The following GTF2A1 variants were observed in gnomAD, a reference collection of about 807,000 sequenced individuals.
GTF2A1 encodes transcription initiation factor IIA subunit 1.
A neutral mutation model predicts 54.1 loss-of-function variants in GTF2A1; 12 were observed. The ratio of observed to expected loss-of-function variants is 0.22; its 90% CI spans 0.14 to 0.36. GTF2A1 has a LOEUF of 0.36. GTF2A1 is among the 10% of genes least tolerant of loss of function. The pLI, the probability that GTF2A1 is intolerant of heterozygous loss-of-function variation, is 1.00. For missense variants in GTF2A1, 335 were observed against 442.2 expected (o/e 0.76, Z 2.17); for synonymous variants, 145 against 152.0 (o/e 0.95, Z 0.34).
intron 8 of GTF2A1, among the ~76,000 whole-genome samples, chr14:81,180,698 T>C (rs1163393327): frequency 6.6e-6 from 1 of 152,222 alleles, no homozygotes; most frequent in Non-Finnish European, 1.5e-5. Context: ...AAAACAAATT[T>C]ATCTGTAATT....
At chr14:81,216,090 T>C (rs1025620640) in intron 2 of GTF2A1, among the ~76,000 whole-genome samples, 6 of 152,230 alleles carry the variant, frequency 3.9e-5, no homozygotes, top group African/African-American at 1.4e-4. Flanking sequence ...CCATAAAATG[T>C]AGAATGTTAA....
At chr14:81,217,310 A>T (rs1016059154) in intron 1 of GTF2A1, among the ~76,000 whole-genome samples, 1 of 152,248 alleles carries the variant, frequency 6.6e-6, no homozygotes. Context: ...AATATTTTTT[A>T]AAAACTACAA....
intron 2 of GTF2A1, among the ~76,000 whole-genome samples, chr14:81,215,631 C>T (rs927275082): frequency 2.0e-5 from 3 of 152,134 alleles, no homozygotes; most frequent in South Asian, 2.1e-4. Context: ...TCAAAACATT[C>T]GGCCTACATA....
At position 81,210,550 on chromosome 14, in the gene GTF2A1, C is replaced by T. The variant is rs528666549; in HGVS notation, c.132+5863G>A. Reference sequence around the variant, plus strand: ...TGGCAATAGTAATCATACTAACATACGTTTTTGTTTTTGTTTTTTTTGGAT... The same window carrying T: ...TGGCAATAGTAATCATACTAACATATGTTTTTGTTTTTGTTTTTTTTGGAT... On this transcript the variant is annotated intron_variant, in intron 2 of 8. Coordinates refer to ENST00000553612, the MANE Select transcript of GTF2A1 (RefSeq NM_015859.4). Among the ~76,000 whole-genome samples, 5 of 152,068 alleles carry T rather than the reference C, an allele frequency of 3.3e-5. No individual in the cohort carries two copies. The South Asian group carries it at 6.2e-4, about 19-fold the overall frequency.
At chr14:81,197,887 T>C (rs951174633) in intron 4 of GTF2A1, among the ~76,000 whole-genome samples, 3 of 152,200 alleles carry the variant, frequency 2.0e-5, no homozygotes, top group African/African-American at 7.2e-5. Context: ...TATTTCATTA[T>C]TGCTTCCTTT....
In GTF2A1 at chr14:81,177,508, T is replaced by A. The variant is rs377251836; in HGVS notation, c.*2715A>T. 24 of 152,260 alleles carry A rather than the reference T, an allele frequency of 1.6e-4. No homozygotes were observed. The highest frequency in any genetic ancestry group is 3.1e-4 in the Non-Finnish European group (21 of 67,954). 9.4% of individuals were successfully genotyped at this position (152,260 alleles called of 1,614,324 possible). A position where few individuals can be genotyped will look rare whatever the true frequency, so the allele number is the denominator to read the frequency against. On this transcript the variant is annotated 3_prime_UTR_variant, in exon 9 of 9. Transcript: ENST00000553612. ...CATTTCCATGTTTTATCTTGTAATT[T>A]TGTGTAAATTTTCCTTAGCACTGTT...
At chr14:81,208,046 G>A (rs557473016) in intron 2 of GTF2A1, among the ~76,000 whole-genome samples, 2 of 152,204 alleles carry the variant, frequency 1.3e-5, no homozygotes, top group African/African-American at 4.8e-5. Flanking sequence ...GCTGGCTGGA[G>A]AAATTTGCAT....
At chr14:81,187,281 G>C (rs1892771117) in intron 7 of GTF2A1, among the ~76,000 whole-genome samples, 2 of 150,752 alleles carry the variant, frequency 1.3e-5, no homozygotes, top group Non-Finnish European at 2.9e-5. Context: ...CGGGAACCCA[G>C]AAGGCGGAGC....
chr14:81,192,938 T>C, intron 6 of GTF2A1, 99 bp from the exon 7 acceptor site: 4 of 722,576 alleles, frequency 5.5e-6, no homozygotes, highest in South Asian at 1.7e-5. Context: ...AGAATGGCCA[T>C]ATTTCATACA....
Position 81,196,197 on chromosome 14 carries a change from T to A in GTF2A1, c.523A>T (p.Ile175Phe), listed in dbSNP as rs1490475041. The change falls in exon 6 of 9, where the codon ATC becomes TTC. Residue 175 changes from isoleucine (I) to phenylalanine (F), a missense_variant. Coordinates refer to ENST00000553612, the MANE Select transcript of GTF2A1 (RefSeq NM_015859.4). Reference sequence around the variant, plus strand: ...ACCACTGACTGCTGAGGCTGAAAGATATATTGGGCACCATTGGCTGCTCTG... The same window carrying A: ...ACCACTGACTGCTGAGGCTGAAAGAAATATTGGGCACCATTGGCTGCTCTG... ...VVRAANGAQYIFQPQQSVVLQ... is the reference protein window; with the variant it reads ...VVRAANGAQYFFQPQQSVVLQ... The A allele has an allele frequency of 1.9e-6, 3 of 1,614,046 alleles. No homozygotes were observed. The highest frequency in any genetic ancestry group is 2.5e-6 in the Non-Finnish European group (3 of 1,179,896).
intron 7 of GTF2A1, among the ~76,000 whole-genome samples, chr14:81,190,935 G>A (rs983932521): frequency 2.6e-5 from 4 of 152,078 alleles, no homozygotes; most frequent in Non-Finnish European, 5.9e-5. Flanking sequence ...TATTAAAAGC[G>A]CTACATATTT....
intron 8 of GTF2A1, among the ~76,000 whole-genome samples, chr14:81,180,639 G>GAAC (rs1010753325): frequency 6.6e-6 from 1 of 151,800 alleles, no homozygotes; most frequent in African/African-American, 2.4e-5. Context: ...TCACCAAAAA[G>GAAC]AACAACAACA....
At chr14:81,200,578 G>A (rs1893083043) in intron 4 of GTF2A1, among the ~76,000 whole-genome samples, 1 of 146,652 alleles carries the variant, frequency 6.8e-6, no homozygotes, top group Non-Finnish European at 1.5e-5. Flanking sequence ...AGTTAGCCAA[G>A]ATCACACCAC....
chr14:81,183,542 A>C (rs1237325840), intron 8 of GTF2A1, among the ~76,000 whole-genome samples: 1 of 152,222 alleles, frequency 6.6e-6, no homozygotes, highest in Non-Finnish European at 1.5e-5. Context: ...TTTTTATATT[A>C]ATAGAAGTAC....
At position 81,216,499 on chromosome 14, in the gene GTF2A1, A is replaced by G. The variant is rs1420999911; in HGVS notation, c.46T>C (p.Ser16Pro). 6.7e-7 allele frequency: 1 copy of G among 1,492,182 alleles called. No individual in the cohort carries two copies. Among genetic ancestry groups the G allele is most frequent in the Non-Finnish European group, 9.3e-7 (1 of 1,070,466 alleles). 92.4% of individuals were successfully genotyped at this position (1,492,182 alleles called of 1,614,324 possible). The change falls in exon 2 of 9, where the codon TCT (serine) becomes CCT (proline). Residue 16 changes from serine to proline, a missense_variant. By Grantham distance (74) the Ser-to-Pro change is moderately conservative. This residue lies in a region of GTF2A1 where 306 missense variants were observed against 360.4 expected (regional missense o/e 0.85). Transcript: ENST00000553612. ...NTNTVPKLYR[S>P]VIEDVINDVR... The stretch of plus-strand genomic sequence containing the variant: ...TCATTAATGACATCTTCAATCACAG[A>G]TCTGTATAATTTAGGCTTTAAAGGA...
chr14:81,208,041 C>T (rs146042817), intron 2 of GTF2A1, among the ~76,000 whole-genome samples: 1,812 of 152,306 alleles, frequency 0.012, 38 homozygotes, highest in African/African-American at 0.042. Flanking sequence ...TTCAAGCTGG[C>T]TGGAGAAATT....
chr14:81,208,181 C>T (rs1040649943), intron 2 of GTF2A1, among the ~76,000 whole-genome samples: 1 of 152,162 alleles, frequency 6.6e-6, no homozygotes, highest in Non-Finnish European at 1.5e-5. Flanking sequence ...AAAGTGGTTT[C>T]AGGGGCCAGG....
In GTF2A1 at chr14:81,220,524, C is replaced by T; in HGVS notation, c.-6G>A. ...GTATTTGCCGAGTTCGCCATTTCCACACACAACACAAACAAGAGGGGGCAA... is the reference window on the plus strand; with the variant it reads ...GTATTTGCCGAGTTCGCCATTTCCATACACAACACAAACAAGAGGGGGCAA... On this transcript the variant is annotated 5_prime_UTR_variant, in exon 1 of 9. It adds an upstream start codon to the 5' untranslated region. Transcript: ENST00000553612. 6.4e-7 allele frequency: 1 copy of T among 1,570,606 alleles called. No individual in the cohort carries two copies. Among genetic ancestry groups the T allele is most frequent in the South Asian group, 1.2e-5 (1 of 86,264 alleles).
chr14:81,187,402 T>C (rs974781512), intron 7 of GTF2A1, among the ~76,000 whole-genome samples: 1 of 151,836 alleles, frequency 6.6e-6, no homozygotes. Context: ...TTAACAACAT[T>C]CACTATTTTA....
Sources: gnomAD v4.1 joint callset for allele counts (sites outside exome capture counted in the v4.1 genomes callset) on GRCh38, gnomAD v4.1.1 for gene constraint, gnomAD v4.1.1 regional missense constraint, MANE v1.5 for transcripts, NCBI Gene and HGNC (gene_info 2026-07-23, HGNC 2026-07-21) for gene names.